The following KMT5B variants were observed in gnomAD, a reference collection of about 807,000 sequenced individuals.
KMT5B encodes the protein lysine methyltransferase 5B.
KMT5B carries 10 observed loss-of-function variants against 83.2 expected under a neutral mutation model. That is an observed-to-expected ratio of 0.12 (90% CI 0.07 to 0.20). The LOEUF (loss-of-function observed/expected upper bound fraction) is 0.20. Ranked by LOEUF, KMT5B falls within the 10% of genes least tolerant of loss-of-function variation. The pLI is 1.00. For synonymous variants in KMT5B, 349 were observed against 388.8 expected, an observed-to-expected ratio of 0.90 and a Z score of 1.20; for missense variants, 753 against 1,067.2, an observed-to-expected ratio of 0.71 and a Z score of 4.10.
intron 1 of KMT5B, among the ~76,000 whole-genome samples, chr11:68,198,765 T>C (rs1859049627): frequency 6.6e-6 from 1 of 152,238 alleles, no homozygotes; most frequent in African/African-American, 2.4e-5. Flanking sequence ...AGTCTCGCTC[T>C]GTTGCCCAGG....
At chr11:68,159,209 A>G in intron 10 of KMT5B, 38 bp from the exon 11 acceptor site, 1 of 1,516,458 alleles carries the variant, frequency 6.6e-7, no homozygotes, top group Non-Finnish European at 8.7e-7. Context: ...AAGCCTTGGT[A>G]ACAGCAGAGT....
At position 68,158,095 on chromosome 11, in the gene KMT5B, G is replaced by C. The variant is rs746390007; in HGVS notation, c.2251C>G (p.His751Asp). The C allele has an allele frequency of 6.2e-7, 1 of 1,614,104 alleles. No homozygotes were observed. Among genetic ancestry groups the C allele is most frequent in the Admixed American group, 1.7e-5 (1 of 60,012 alleles). ...ACATAGAGATTGTTATCGTTGTCAT[G>C]GTCTTTGCTTAACTTGATGCTTATT... The part of the protein sequence containing the change: ...SKISIKLSKD[H>D]DNDNNLYVAK... Residue 751 changes from histidine (H) to aspartate (D), a missense_variant, in exon 11 of 11, where the codon CAT (histidine) becomes GAT (aspartate). Transcript: ENST00000304363.
At chr11:68,186,864 T>C (rs1591009349) in intron 2 of KMT5B, among the ~76,000 whole-genome samples, 1 of 152,232 alleles carries the variant, frequency 6.6e-6, no homozygotes, top group Non-Finnish European at 1.5e-5. Flanking sequence ...AAATGTAAGT[T>C]CCTGCCAAGG....
Position 68,205,654 on chromosome 11 carries a change from T to A in KMT5B, c.-77+7484A>T, listed in dbSNP as rs372612927. Among the ~76,000 whole-genome samples the A allele has an allele frequency of 4.5e-4, 66 of 147,948 alleles. No individual in the cohort carries two copies. The South Asian group carries it at 7.1e-3, about 16-fold the overall frequency. ...TTTTTTTTTTCAGACGGAGTCTCACTCTGTCCACCAGGCTGGAGTGCAGTG... is the reference window on the plus strand; with the variant it reads ...TTTTTTTTTTCAGACGGAGTCTCACACTGTCCACCAGGCTGGAGTGCAGTG... On this transcript the variant is annotated intron_variant, in intron 1 of 10. Coordinates refer to ENST00000304363, the MANE Select transcript of KMT5B (RefSeq NM_017635.5).
upstream of KMT5B, chr11:68,213,306 G>A (rs964748641): frequency 2.0e-5 from 3 of 147,780 alleles, no homozygotes; most frequent in Non-Finnish European, 4.5e-5. Context: ...TGGCGGCGCG[G>A]GCCGCAGCAC....
At chr11:68,166,122 G>A (rs1855299552) in intron 10 of KMT5B, 1 of 1,437,096 alleles carries the variant, frequency 7.0e-7, no homozygotes, top group Non-Finnish European at 9.1e-7. Context: ...TCTAACTTCT[G>A]TCTCTCTCAG....
chr11:68,171,933 A>G lies in KMT5B; in HGVS notation c.654-224T>C, dbSNP rs1332572451. On this transcript the variant is annotated intron_variant, in intron 6 of 10. Coordinates refer to ENST00000304363, the MANE Select transcript of KMT5B (RefSeq NM_017635.5). The surrounding 1 kb of genome is among the most constrained non-coding windows in gnomAD (Gnocchi z 5.1). ...TGTACCTATCTTATTCCTGCAAGAG[A>G]ATGGAAACTCAACCAGGACAGGGAC... Among the ~76,000 whole-genome samples the G allele has an allele frequency of 6.6e-6, 1 of 152,028 alleles. No individual in the cohort carries two copies. The highest frequency in any genetic ancestry group is 2.4e-5 in the African/African-American group (1 of 41,388).
chr11:68,156,437 CTTTT>C lies in KMT5B; in HGVS notation c.*1247_*1250del, dbSNP rs1207628828. 1 of 152,514 alleles carries C rather than the reference CTTTT, an allele frequency of 6.6e-6. No individual in the cohort carries two copies. The highest frequency in any genetic ancestry group is 2.4e-5 in the African/African-American group (1 of 41,406). 9.4% of individuals were successfully genotyped at this position (152,514 alleles called of 1,614,324 possible). On this transcript the variant is annotated 3_prime_UTR_variant, in exon 11 of 11. Transcript: ENST00000304363. Reference sequence around the variant, plus strand: ...TCAAAAAACAAATTAAATCTGACTCCTTTTTGTTTAACTGATAATATAGTCAAAA... The same window carrying C: ...TCAAAAAACAAATTAAATCTGACTCCTGTTTAACTGATAATATAGTCAAAA...
intron 1 of KMT5B, among the ~76,000 whole-genome samples, chr11:68,208,471 A>C (rs1860459083): frequency 6.6e-6 from 1 of 151,318 alleles, no homozygotes; most frequent in Non-Finnish European, 1.5e-5. Context: ...CAAACAAAAA[A>C]ACCACTGTGC....
chr11:68,180,542 A>T (rs772715155), intron 3 of KMT5B, among the ~76,000 whole-genome samples: 6 of 152,240 alleles, frequency 3.9e-5, no homozygotes, highest in Non-Finnish European at 8.8e-5. Context: ...AGTGAAATAA[A>T]AATTAGATGG....
At chr11:68,202,910 G>C (rs1196517946) in intron 1 of KMT5B, among the ~76,000 whole-genome samples, 1 of 152,082 alleles carries the variant, frequency 6.6e-6, no homozygotes, top group East Asian at 1.9e-4. Context: ...ACCTGTTTGA[G>C]TACCCGCTTT....
At chr11:68,176,182 G>C (rs1182926953) in intron 4 of KMT5B, among the ~76,000 whole-genome samples, 1 of 152,136 alleles carries the variant, frequency 6.6e-6, no homozygotes, top group Non-Finnish European at 1.5e-5. Context: ...TGGGATTATA[G>C]GTGTGAGCCA....
At chr11:68,198,530 CT>C (rs1419172520) in intron 1 of KMT5B, among the ~76,000 whole-genome samples, 1 of 152,192 alleles carries the variant, frequency 6.6e-6, no homozygotes, top group Admixed American at 6.5e-5. Context: ...TGCTTCATAG[CT>C]ACCACAGAGG....
intron 1 of KMT5B, among the ~76,000 whole-genome samples, chr11:68,203,622 A>C (rs1389866417): frequency 6.6e-6 from 1 of 152,224 alleles, no homozygotes; most frequent in Non-Finnish European, 1.5e-5. Flanking sequence ...TTGACAGGGC[A>C]ATTTCTCAGT....
intron 1 of KMT5B, among the ~76,000 whole-genome samples, chr11:68,211,490 A>C (rs1312975759): frequency 6.6e-6 from 1 of 152,264 alleles, no homozygotes; most frequent in Non-Finnish European, 1.5e-5. Context: ...ACAACATTAA[A>C]GTGGATTTAT....
chr11:68,197,994 G>A (rs1350676342), intron 1 of KMT5B, among the ~76,000 whole-genome samples: 2 of 152,214 alleles, frequency 1.3e-5, no homozygotes, highest in African/African-American at 4.8e-5. Flanking sequence ...GCCCTCCTAA[G>A]TGTGGAATCT....
At chr11:68,161,239 G>A (rs1555024281) in intron 10 of KMT5B, among the ~76,000 whole-genome samples, 1 of 152,064 alleles carries the variant, frequency 6.6e-6, no homozygotes, top group Non-Finnish European at 1.5e-5. Flanking sequence ...AAAAAATAGG[G>A]AACTCTTCGG....
chr11:68,165,126 C>G (rs1590935400), intron 10 of KMT5B, among the ~76,000 whole-genome samples: 1 of 152,318 alleles, frequency 6.6e-6, no homozygotes, highest in Middle Eastern at 3.4e-3. Flanking sequence ...ACACCTACAT[C>G]ACATAGCCAT....
intron 1 of KMT5B, among the ~76,000 whole-genome samples, chr11:68,199,277 G>GACTAATAATAAATAA (rs1859114539): frequency 6.6e-6 from 1 of 152,078 alleles, no homozygotes. Flanking sequence ...ATAAATTAAC[G>GACTAATAATAAATAA]AATGAATGTC....
Sources: gnomAD v4.1 joint callset for allele counts (sites outside exome capture counted in the v4.1 genomes callset) on GRCh38, gnomAD v4.1.1 for gene constraint, Gnocchi (gnomAD v3.1) non-coding constraint, MANE v1.5 for transcripts, NCBI Gene and HGNC (gene_info 2026-07-23, HGNC 2026-07-21) for gene names.